HEMK2: variants seen among roughly 807,000 people sequenced by gnomAD.
The protein encoded by HEMK2 is HemK methyltransferase 2, ETF1 glutamine and histone H4 lysine.
chr21:28,763,001 C>T, the HEMK2 span, among the ~76,000 whole-genome samples: 5 of 152,040 alleles, frequency 3.3e-5, no homozygotes, highest in Non-Finnish European at 7.4e-5. Context: ...AACAGGAAGC[C>T]CAGAGAAAAA....
At chr21:28,739,841 G>T in the HEMK2 span, among the ~76,000 whole-genome samples, 1 of 152,178 alleles carries the variant, frequency 6.6e-6, no homozygotes, top group Non-Finnish European at 1.5e-5. Context: ...AGGAAAGAAG[G>T]TTAAATACAC....
chr21:28,593,794 G>A, the HEMK2 span, among the ~76,000 whole-genome samples: 6 of 152,082 alleles, frequency 3.9e-5, no homozygotes, highest in African/African-American at 1.4e-4. Context: ...TAAATAAATG[G>A]CTACATAAGT....
chr21:28,733,115 T>G, the HEMK2 span, among the ~76,000 whole-genome samples: 2 of 151,902 alleles, frequency 1.3e-5, no homozygotes, highest in Admixed American at 6.6e-5. Flanking sequence ...CCGTCTCTAC[T>G]AAAAATACAA....
chr21:28,844,272 G>A, the HEMK2 span, among the ~76,000 whole-genome samples: 16 of 152,018 alleles, frequency 1.1e-4, no homozygotes, highest in Non-Finnish European at 2.1e-4. Flanking sequence ...TCAAAGCAGA[G>A]AAGCTATCCA....
chr21:28,861,378 T>A, the HEMK2 span, among the ~76,000 whole-genome samples: 1 of 152,158 alleles, frequency 6.6e-6, no homozygotes, highest in Non-Finnish European at 1.5e-5. Flanking sequence ...AGAAGTGAAA[T>A]TGATAGGAAG....
At chr21:28,771,527 C>T in the HEMK2 span, among the ~76,000 whole-genome samples, 2 of 139,708 alleles carry the variant, frequency 1.4e-5, no homozygotes, top group Non-Finnish European at 3.1e-5. Flanking sequence ...CACCCCCCCC[C>T]GCCAAAGAAT....
chr21:28,693,572 T>C, the HEMK2 span, among the ~76,000 whole-genome samples: 3 of 152,250 alleles, frequency 2.0e-5, no homozygotes, highest in Non-Finnish European at 4.4e-5. Context: ...GCTGCAGCAA[T>C]AATGTTAAAA....
chr21:28,845,845 T>C, the HEMK2 span, among the ~76,000 whole-genome samples: 7,520 of 152,220 alleles, frequency 0.049, 254 homozygotes, highest in Middle Eastern at 0.082. Context: ...ATTTGTTACA[T>C]GGGTAAATTG....
chr21:28,803,543 G>C, the HEMK2 span, among the ~76,000 whole-genome samples: 13 of 152,186 alleles, frequency 8.5e-5, no homozygotes, highest in African/African-American at 2.9e-4. Context: ...AACTTCCAAG[G>C]TTTTCTTTTT....
the HEMK2 span, among the ~76,000 whole-genome samples, chr21:28,654,512 C>G: frequency 1.3e-5 from 2 of 152,070 alleles, no homozygotes; most frequent in Non-Finnish European, 2.9e-5. Flanking sequence ...CACCAGCACT[C>G]TAAGTCAAGG....
chr21:28,599,596 G>C, the HEMK2 span, among the ~76,000 whole-genome samples: 1 of 152,040 alleles, frequency 6.6e-6, no homozygotes, highest in Admixed American at 6.5e-5. Flanking sequence ...TCTGCCCATA[G>C]CCCCTCCCAA....
At chr21:28,680,514 A>C in the HEMK2 span, among the ~76,000 whole-genome samples, 11 of 152,276 alleles carry the variant, frequency 7.2e-5, no homozygotes, top group East Asian at 1.9e-4. Flanking sequence ...CTATTCCAAT[A>C]AATAGAAAAA....
At chr21:28,607,206 T>C in the HEMK2 span, among the ~76,000 whole-genome samples, 1 of 151,986 alleles carries the variant, frequency 6.6e-6, no homozygotes, top group South Asian at 2.1e-4. Context: ...AGCTCAGGAG[T>C]TCGTGACCAG....
chr21:28,690,586 C>T, the HEMK2 span, among the ~76,000 whole-genome samples: 1 of 152,136 alleles, frequency 6.6e-6, no homozygotes, highest in Admixed American at 6.5e-5. Flanking sequence ...ACATCCTCAC[C>T]TGAACCAAGA....
chr21:28,751,234 G>GAACAAAAAAAA, the HEMK2 span, among the ~76,000 whole-genome samples: 1 of 125,394 alleles, frequency 8.0e-6, no homozygotes, highest in African/African-American at 3.1e-5. Context: ...CTGTCTCAAT[G>GAACAAAAAAAA]AAAAAAAAAA....
At chr21:28,672,786 CTTGTT>C in the HEMK2 span, among the ~76,000 whole-genome samples, 1 of 152,108 alleles carries the variant, frequency 6.6e-6, no homozygotes, top group Non-Finnish European at 1.5e-5. Flanking sequence ...TTTTTCTTGA[CTTGTT>C]TTAATTTAAA....
the HEMK2 span, among the ~76,000 whole-genome samples, chr21:28,642,826 T>C: frequency 1.3e-5 from 2 of 152,164 alleles, no homozygotes; most frequent in African/African-American, 4.8e-5. Flanking sequence ...ATACAAGCTG[T>C]CTGAATAACA....
the HEMK2 span, among the ~76,000 whole-genome samples, chr21:28,732,400 G>A: frequency 1.3e-5 from 2 of 152,250 alleles, no homozygotes; most frequent in African/African-American, 4.8e-5. Context: ...ACATGGTCTA[G>A]TGTGAATTCC....
the HEMK2 span, among the ~76,000 whole-genome samples, chr21:28,853,194 A>G: frequency 6.6e-6 from 1 of 152,124 alleles, no homozygotes; most frequent in Non-Finnish European, 1.5e-5. Context: ...CAGCATCCCA[A>G]TCTCCCTAAG....
Sources: allele counts gnomAD v4.1 joint callset (sites outside exome capture counted in the v4.1 genomes callset), GRCh38; gene constraint gnomAD v4.1.1; transcripts MANE v1.5; gene names NCBI Gene and HGNC (gene_info 2026-07-23, HGNC 2026-07-21).